MARCHF1: variants seen among roughly 807,000 people sequenced by gnomAD.
MARCHF1 encodes E3 ubiquitin-protein ligase MARCHF1.
In MARCHF1, 40 loss-of-function variants were observed where a neutral mutation model predicts 54.2. The ratio of observed to expected loss-of-function variants is 0.74; its 90% CI spans 0.57 to 0.96. The LOEUF (loss-of-function observed/expected upper bound fraction) is 0.96. Among genes scored for constraint, MARCHF1 ranks in the 40% least tolerant of loss-of-function variants. The probability of loss-of-function intolerance (pLI) is 0.00; values close to 1 mark genes in which losing one functional copy is unlikely to be tolerated. For synonymous variants in MARCHF1, 236 were observed against 236.3 expected (o/e 1.00, Z 0.01); for missense variants, 586 against 656.5 (o/e 0.89, Z 1.17).
At chr4:164,119,046 G>T (rs1756001672) in intron 1 of MARCHF1, among the ~76,000 whole-genome samples, 1 of 149,840 alleles carries the variant, frequency 6.7e-6, no homozygotes, top group Non-Finnish European at 1.5e-5. Flanking sequence ...AATACATTAA[G>T]GGTTTTTGCA....
intron 7 of MARCHF1, among the ~76,000 whole-genome samples, 166 bp from the exon 8 acceptor site, chr4:163,586,095 T>C (rs1055140720): frequency 6.6e-6 from 1 of 152,192 alleles, no homozygotes; most frequent in Non-Finnish European, 1.5e-5. Context: ...CTATGATCAA[T>C]ACGGATTGAG....
chr4:164,225,689 A>G (rs1271054092), intron 1 of MARCHF1, among the ~76,000 whole-genome samples: 1 of 152,016 alleles, frequency 6.6e-6, no homozygotes, highest in Non-Finnish European at 1.5e-5. Flanking sequence ...TGACAAACGA[A>G]GTGCTAATGA....
intron 2 of MARCHF1, among the ~76,000 whole-genome samples, chr4:164,013,286 G>T (rs1753463468): frequency 6.6e-6 from 1 of 152,054 alleles, no homozygotes; most frequent in Admixed American, 6.6e-5. Context: ...CTCAACTGCA[G>T]CACTGATCAA....
chr4:163,717,363 A>G (rs1745297820), intron 4 of MARCHF1, among the ~76,000 whole-genome samples: 1 of 151,702 alleles, frequency 6.6e-6, no homozygotes, highest in African/African-American at 2.4e-5. Context: ...TCCAGGGTGT[A>G]TATGTGCCAC....
At chr4:163,613,093 G>C in intron 6 of MARCHF1, 55 bp from the exon 7 acceptor site, 1 of 1,402,386 alleles carries the variant, frequency 7.1e-7, no homozygotes, top group South Asian at 1.5e-5. Context: ...GAAAGCCATG[G>C]AAAAACAGAG....
At chr4:163,719,716 C>G (rs1010264884) in intron 4 of MARCHF1, among the ~76,000 whole-genome samples, 1 of 151,666 alleles carries the variant, frequency 6.6e-6, no homozygotes, top group Non-Finnish European at 1.5e-5. Context: ...TTTTAATGAT[C>G]GCCATTCTAA....
intron 5 of MARCHF1, among the ~76,000 whole-genome samples, chr4:163,659,744 T>C (rs1365943865): frequency 6.6e-6 from 1 of 151,324 alleles, no homozygotes; most frequent in Non-Finnish European, 1.5e-5. Flanking sequence ...GCAAAGGATA[T>C]GAACAGACAC....
chr4:163,773,929 G>A (rs1223834262), intron 4 of MARCHF1, among the ~76,000 whole-genome samples: 1 of 151,998 alleles, frequency 6.6e-6, no homozygotes, highest in African/African-American at 2.4e-5. Context: ...AATAAAACAG[G>A]TCCAATTGCC....
intron 4 of MARCHF1, among the ~76,000 whole-genome samples, chr4:163,852,907 G>A (rs1022541444): frequency 3.3e-5 from 5 of 152,074 alleles, no homozygotes; most frequent in African/African-American, 7.2e-5. Flanking sequence ...TGAGAGTGGG[G>A]CCCTCATAAA....
chr4:163,987,877 G>A (rs796137451), intron 3 of MARCHF1, among the ~76,000 whole-genome samples: 29 of 152,316 alleles, frequency 1.9e-4, no homozygotes, highest in African/African-American at 3.8e-4. Flanking sequence ...AAGGCTCACC[G>A]TAAGAAGTTG....
intron 3 of MARCHF1, among the ~76,000 whole-genome samples, chr4:163,874,654 G>A (rs1316188446): frequency 6.6e-6 from 1 of 152,118 alleles, no homozygotes; most frequent in East Asian, 1.9e-4. Flanking sequence ...CTCATGCTCA[G>A]AAAATATTCA....
At chr4:164,383,735 C>T (rs1731445516) in intron 1 of MARCHF1, 135 bp downstream of exon 1, 1 of 152,428 alleles carries the variant, frequency 6.6e-6, no homozygotes, top group Non-Finnish European at 1.5e-5. Context: ...GCAAAGGCAC[C>T]TGCTGCCTGC....
At chr4:163,908,244 C>T (rs909244867) in intron 3 of MARCHF1, among the ~76,000 whole-genome samples, 1 of 152,048 alleles carries the variant, frequency 6.6e-6, no homozygotes, top group Admixed American at 6.6e-5. Flanking sequence ...GAAAATTTAC[C>T]TTGCTGTAGA....
At chr4:164,314,362 C>T (rs986461378) in intron 1 of MARCHF1, among the ~76,000 whole-genome samples, 1 of 152,118 alleles carries the variant, frequency 6.6e-6, no homozygotes, top group Non-Finnish European at 1.5e-5. Flanking sequence ...GGAAAGACAC[C>T]TGGGAATAGC....
intron 2 of MARCHF1, among the ~76,000 whole-genome samples, chr4:164,028,329 C>T (rs926920623): frequency 5.3e-5 from 8 of 152,178 alleles, no homozygotes; most frequent in African/African-American, 9.7e-5. Flanking sequence ...CCTATGTGCT[C>T]ATCAGTGGTG....
At chr4:164,083,779 C>T (rs541990402) in intron 2 of MARCHF1, among the ~76,000 whole-genome samples, 18 of 152,132 alleles carry the variant, frequency 1.2e-4, no homozygotes, top group African/African-American at 3.9e-4. Flanking sequence ...CCTGATTCCA[C>T]ACTTCACAGA....
At chr4:163,985,732 A>G (rs4691107) in intron 3 of MARCHF1, among the ~76,000 whole-genome samples, 78,837 of 151,996 alleles carry the variant, frequency 0.52, 21,978 homozygotes, top group Middle Eastern at 0.68. Flanking sequence ...TAATTTACTA[A>G]TTTAAATTAA....
At chr4:164,331,168 G>T (rs1006608795) in intron 1 of MARCHF1, among the ~76,000 whole-genome samples, 2 of 151,838 alleles carry the variant, frequency 1.3e-5, no homozygotes, top group Non-Finnish European at 2.9e-5. Flanking sequence ...TCTCCTAAGT[G>T]AATAGCATTA....
At chr4:164,319,023 T>C (rs1256861599) in intron 1 of MARCHF1, among the ~76,000 whole-genome samples, 1 of 152,154 alleles carries the variant, frequency 6.6e-6, no homozygotes, top group Non-Finnish European at 1.5e-5. Flanking sequence ...GTTCTGGATA[T>C]CTGAATTGGG....
Sources: allele counts gnomAD v4.1 joint callset (sites outside exome capture counted in the v4.1 genomes callset), GRCh38; gene constraint gnomAD v4.1.1; transcripts MANE v1.5; gene names NCBI Gene and HGNC (gene_info 2026-07-23, HGNC 2026-07-21).